The following NTN4 variants were observed in gnomAD, a reference collection of about 807,000 sequenced individuals.
NTN4 encodes the protein netrin 4.
In NTN4, 32 loss-of-function variants were observed where a neutral mutation model predicts 73.6. The ratio of observed to expected loss-of-function variants is 0.44; its 90% confidence interval spans 0.33 to 0.58. The LOEUF is 0.58. NTN4 is among the 20% of genes least tolerant of loss of function. The probability of loss-of-function intolerance (pLI) is 0.04; values close to 1 mark genes in which losing one functional copy is unlikely to be tolerated. For synonymous variants in NTN4, 258 were observed against 287.5 expected (o/e 0.90, Z 1.04); for missense variants, 654 against 798.3 (o/e 0.82, Z 2.18).
At chr12:95,743,498 G>A (rs73223876) in intron 2 of NTN4, among the ~76,000 whole-genome samples, 69,825 of 151,928 alleles carry the variant, frequency 0.46, 16,479 homozygotes, top group Non-Finnish European at 0.49. Flanking sequence ...TTTTTCCCTA[G>A]GTACTTCTTC....
intron 3 of NTN4, among the ~76,000 whole-genome samples, chr12:95,724,445 T>G (rs996259820): frequency 1.3e-5 from 2 of 152,236 alleles, no homozygotes; most frequent in African/African-American, 4.8e-5. Context: ...ACAAGTGAAC[T>G]GAGCTGGTGT....
chr12:95,694,319 G>GC (rs879366097), intron 5 of NTN4, among the ~76,000 whole-genome samples: 3,530 of 151,748 alleles, frequency 0.023, 87 homozygotes, highest in East Asian at 0.081. Flanking sequence ...CCAAGACCCC[G>GC]GCGGCCACTC....
In NTN4 at chr12:95,710,648, G is replaced by A. The variant is rs1261005961; in HGVS notation, c.992-19C>T. ...TTGCAGGCTGGAAATAAGAAGCGTG[G>A]AGAGAAACACTAATAAGTAAAAATA... is the stretch of plus-strand genomic sequence containing the variant. On this transcript the variant is annotated intron_variant, in intron 4 of 9. Transcript: ENST00000343702. The A allele has an allele frequency of 2.5e-6, 4 of 1,605,636 alleles. No individual in the cohort carries two copies. The highest frequency in any genetic ancestry group is 3.4e-6 in the Non-Finnish European group (4 of 1,174,608).
intron 6 of NTN4, 51 bp downstream of exon 6, chr12:95,683,447 C>T (rs2078334593): frequency 3.2e-6 from 5 of 1,546,370 alleles, no homozygotes; most frequent in Middle Eastern, 2.1e-4. Context: ...TATAGGTTTT[C>T]AAAAGAGCCT....
chr12:95,672,205 C>CG (rs981873842), intron 7 of NTN4: 236 of 463,370 alleles, frequency 5.1e-4, no homozygotes, highest in Middle Eastern at 2.2e-3. Flanking sequence ...GGTCGGGTTG[C>CG]GGGGGGCGGG....
intron 5 of NTN4, among the ~76,000 whole-genome samples, chr12:95,695,940 TTTCTTTCTTTCCC>T (rs1189700155): frequency 2.2e-5 from 3 of 136,060 alleles, no homozygotes; most frequent in South Asian, 5.6e-4. Flanking sequence ...TCTTTTCTCT[TTTCTTTCTTTCCC>T]TCCCTCCCTC....
rs187167470 is a variant in NTN4, at chr12:95,750,285, G to A, written c.586-12141C>T. Among the ~76,000 whole-genome samples, 41 of 149,924 alleles carry A rather than the reference G, an allele frequency of 2.7e-4. 1 individual carries two copies. Among genetic ancestry groups the A allele is most frequent in the Middle Eastern group, 3.4e-3 (1 of 292 alleles). On this transcript the variant is annotated intron_variant, in intron 2 of 9. Transcript: ENST00000343702. ...ACTTTTCTGGAAGGTAAGAACCGCC[G>A]AACCCCTTCTCTCTGTTTCTCTACT...
chr12:95,755,582 T>C (rs1205029111), intron 2 of NTN4, among the ~76,000 whole-genome samples: 1 of 152,212 alleles, frequency 6.6e-6, no homozygotes. Flanking sequence ...TTCGGCACCC[T>C]GTTTCATCAG....
At chr12:95,788,832 C>G (rs867255530) in intron 1 of NTN4, among the ~76,000 whole-genome samples, 3 of 152,210 alleles carry the variant, frequency 2.0e-5, no homozygotes, top group Non-Finnish European at 4.4e-5. Flanking sequence ...CACAAACACA[C>G]AATGTGCTAT....
At chr12:95,735,561 G>C (rs1365391998) in intron 3 of NTN4, among the ~76,000 whole-genome samples, 1 of 152,156 alleles carries the variant, frequency 6.6e-6, no homozygotes, top group Non-Finnish European at 1.5e-5. Context: ...CGTTCCATAG[G>C]GTTTTCTAGG....
chr12:95,675,836 A>G (rs955907263), intron 7 of NTN4, among the ~76,000 whole-genome samples: 1 of 152,222 alleles, frequency 6.6e-6, no homozygotes, highest in Admixed American at 6.5e-5. Context: ...TTTTAAAGAC[A>G]GATTGGGTAA....
At chr12:95,786,203 C>A (rs1403287123) in intron 2 of NTN4, among the ~76,000 whole-genome samples, 2 of 152,156 alleles carry the variant, frequency 1.3e-5, no homozygotes, top group Admixed American at 1.3e-4. Context: ...TCTTAATCTG[C>A]TTTTATTCAG....
At chr12:95,694,041 C>G (rs1319910192) in intron 5 of NTN4, among the ~76,000 whole-genome samples, 1 of 152,014 alleles carries the variant, frequency 6.6e-6, no homozygotes, top group African/African-American at 2.4e-5. Flanking sequence ...CACTAGAACT[C>G]TAGGAGTCTG....
intron 9 of NTN4, among the ~76,000 whole-genome samples, chr12:95,664,432 A>G (rs1319678037): frequency 1.3e-5 from 2 of 152,156 alleles, no homozygotes; most frequent in Non-Finnish European, 2.9e-5. Flanking sequence ...ATTTAAATAT[A>G]TTATTGAAAG....
At chr12:95,677,871 A>G (rs1376295714) in intron 7 of NTN4, among the ~76,000 whole-genome samples, 1 of 152,248 alleles carries the variant, frequency 6.6e-6, no homozygotes, top group East Asian at 1.9e-4. Context: ...ATTCTACTAT[A>G]AAGACACCTG....
intron 2 of NTN4, among the ~76,000 whole-genome samples, chr12:95,763,478 A>G (rs949668756): frequency 6.6e-6 from 1 of 152,242 alleles, no homozygotes. Flanking sequence ...AGTCTACTTT[A>G]TCTTCAACAT....
At position 95,666,074 on chromosome 12, in the gene NTN4, G is replaced by A. The variant is rs2078177388; in HGVS notation, c.1580-94C>T. 1.8e-5 allele frequency: 17 copies of A among 924,282 alleles called. No homozygotes were observed. The South Asian group carries it at 2.9e-4, about 16-fold the overall frequency. 57.3% of individuals were successfully genotyped at this position (924,282 alleles called of 1,614,324 possible). On this transcript the variant is annotated intron_variant, in intron 8 of 9. Coordinates refer to ENST00000343702, the MANE Select transcript of NTN4 (RefSeq NM_021229.4). Reference sequence around the variant, plus strand: ...ATGCATTTCAGAATATAATGGAAAGGTGAATTGATGATGAGGATGTGAAAA... The same window carrying A: ...ATGCATTTCAGAATATAATGGAAAGATGAATTGATGATGAGGATGTGAAAA...
In NTN4 at chr12:95,704,112, G is replaced by A. The variant is rs543173665; in HGVS notation, c.1180+6329C>T. 6.6e-5 allele frequency among the ~76,000 whole-genome samples: 10 copies of A among 152,150 alleles called. No homozygotes were observed. In the South Asian group the frequency reaches 1.9e-3, roughly 28 times the overall value. ...CCTGGCTACTCTGAACCTTTAATAT[G>A]ATTCAATAGCTCTGGGGTAGGATCA... On this transcript the variant is annotated intron_variant, in intron 5 of 9. Coordinates refer to ENST00000343702, the MANE Select transcript of NTN4 (RefSeq NM_021229.4).
chr12:95,730,407 T>A lies in NTN4; in HGVS notation c.864+7459A>T, dbSNP rs371791249. 2.0e-4 allele frequency among the ~76,000 whole-genome samples: 30 copies of A among 152,272 alleles called. No individual in the cohort carries two copies. The East Asian group carries it at 5.6e-3, about 28-fold the overall frequency. On this transcript the variant is annotated intron_variant, in intron 3 of 9. Coordinates refer to ENST00000343702, the MANE Select transcript of NTN4 (RefSeq NM_021229.4). ...TGTGAAATAAAGGCCTATAAATAAA[T>A]ATCTAATTGTTCTGGGGAAACTCTT...
Sources: allele counts gnomAD v4.1 joint callset (sites outside exome capture counted in the v4.1 genomes callset), GRCh38; gene constraint gnomAD v4.1.1; transcripts MANE v1.5; gene names NCBI Gene and HGNC (gene_info 2026-07-23, HGNC 2026-07-21).